Variants in XXYLT1 observed in about 807,000 individuals in gnomAD.
XXYLT1 encodes xyloside xylosyltransferase 1.
In XXYLT1, 20 loss-of-function variants were observed where a neutral mutation model predicts 28.9. The ratio of observed to expected loss-of-function variants is 0.69; its 90% CI spans 0.49 to 1.00. The LOEUF is 1.00. Ranked by LOEUF, XXYLT1 falls within the 50% of genes least tolerant of loss-of-function variation. XXYLT1 has a pLI of 0.00. For missense variants in XXYLT1, 542 were observed against 560.1 expected (o/e 0.97, Z 0.33); for synonymous variants, 257 against 253.8 (o/e 1.01, Z -0.12).
intron 2 of XXYLT1, among the ~76,000 whole-genome samples, chr3:195,161,006 G>A (rs952368543): frequency 8.5e-5 from 13 of 152,194 alleles, no homozygotes; most frequent in Non-Finnish European, 1.3e-4. Flanking sequence ...AAAGGAAGAC[G>A]GGGAGCTTGC....
At position 195,176,069 on chromosome 3, in the gene XXYLT1, T is replaced by A. The variant is rs1198185845; in HGVS notation, c.653-19488A>T. The stretch of plus-strand genomic sequence containing the variant: ...CCTAAAAGATATGACAGAATTTTTT[T>A]TTTTTGAGACAGGGTCTCACTCTAT... On this transcript the variant is annotated intron_variant, in intron 2 of 3. Transcript: ENST00000310380. This position sits in a 1 kb window ranked among gnomAD's most constrained non-coding sequence, Gnocchi z 4.9. Among the ~76,000 whole-genome samples, 1 of 152,220 alleles carries A rather than the reference T, an allele frequency of 6.6e-6. No homozygotes were observed. The highest frequency in any genetic ancestry group is 2.1e-4 in the South Asian group (1 of 4,832).
intron 3 of XXYLT1, among the ~76,000 whole-genome samples, chr3:195,142,066 G>C (rs1719521715): frequency 6.6e-6 from 1 of 152,100 alleles, no homozygotes; most frequent in Non-Finnish European, 1.5e-5. Context: ...GGTTATTTCT[G>C]ACCCCAAATA....
At chr3:195,105,685 G>A (rs565946394) in intron 3 of XXYLT1, among the ~76,000 whole-genome samples, 1 of 152,386 alleles carries the variant, frequency 6.6e-6, no homozygotes, top group Non-Finnish European at 1.5e-5. Flanking sequence ...GGGCCACCGA[G>A]CAGTGATTTG....
At chr3:195,270,059 A>G (rs1428526173) in intron 1 of XXYLT1, 1 of 219,234 alleles carries the variant, frequency 4.6e-6, no homozygotes, top group African/African-American at 2.3e-5. Context: ...GATGGTTCAC[A>G]ATGAGTTTGA....
chr3:195,187,237 CAAAA>C (rs749480905), intron 2 of XXYLT1, among the ~76,000 whole-genome samples: 2 of 108,362 alleles, frequency 1.8e-5, no homozygotes, highest in African/African-American at 3.8e-5. Flanking sequence ...GACTCCATCT[CAAAA>C]AAAAAAAAAA....
chr3:195,115,639 C>T lies in XXYLT1; in HGVS notation c.785+40810G>A, dbSNP rs556181484. Among the ~76,000 whole-genome samples the T allele has an allele frequency of 1.5e-4, 23 of 152,202 alleles. No homozygotes were observed. Among genetic ancestry groups the T allele is most frequent in the Non-Finnish European group, 2.4e-4 (16 of 68,024 alleles). ...TTGGAAAGCACAGCTATTTACAGGA[C>T]GACTCCCTTCATCTGGTGCGGAGCA... is the stretch of plus-strand genomic sequence containing the variant. On this transcript the variant is annotated intron_variant, in intron 3 of 3. Transcript: ENST00000310380. This position sits in a 1 kb window ranked among gnomAD's most constrained non-coding sequence, Gnocchi z 4.2.
intron 2 of XXYLT1, among the ~76,000 whole-genome samples, chr3:195,177,345 G>C (rs572679071): frequency 6.6e-6 from 1 of 152,242 alleles, no homozygotes; most frequent in African/African-American, 2.4e-5. Flanking sequence ...ATTTCAAGAT[G>C]ACCTCAAATG....
chr3:195,185,078 AGAAGGAAGAAGGAAGGAAGGAAG>A (rs1722118101), intron 2 of XXYLT1, among the ~76,000 whole-genome samples: 1 of 118,528 alleles, frequency 8.4e-6, no homozygotes, highest in African/African-American at 4.2e-5. Context: ...AAGGAAGGAA[AGAAGGAAGAAGGAAGGAAGGAAG>A]GAAGGAAGGA....
In XXYLT1 at chr3:195,261,686, GTTTT is replaced by G. The variant is rs983281625; in HGVS notation, c.504+8865_504+8868del. 1.6e-4 allele frequency among the ~76,000 whole-genome samples: 24 copies of G among 152,088 alleles called. No homozygotes were observed. In the East Asian group the frequency reaches 3.3e-3, roughly 21 times the overall value. On this transcript the variant is annotated intron_variant, in intron 1 of 3. Coordinates refer to ENST00000310380, the MANE Select transcript of XXYLT1 (RefSeq NM_152531.5). ...AAAGTCAAGGTAACTGTTTTTTGGG[GTTTT>G]TTTAAGAAAATGCATTTCGGTAAAT...
intron 3 of XXYLT1, chr3:195,095,788 G>C (rs1178312774): frequency 6.6e-6 from 1 of 152,344 alleles, no homozygotes; most frequent in Non-Finnish European, 1.5e-5. Flanking sequence ...CAGTGAATCA[G>C]AGTGGGTACA....
chr3:195,110,903 GGTGTGTGGTGTGT>G lies in XXYLT1; in HGVS notation c.786-40805_786-40793del, dbSNP rs1717670565. ...TGTATGTGTGCGTGTGTGTGGGTGA[GGTGTGTGGTGTGT>G]GTGTGTGGTGTGTGTGAGGTATGTG... On this transcript the variant is annotated intron_variant, in intron 3 of 3. Coordinates refer to ENST00000310380, the MANE Select transcript of XXYLT1 (RefSeq NM_152531.5). Among the ~76,000 whole-genome samples the G allele has an allele frequency of 1.3e-4, 5 of 38,294 alleles. 1 individual carries two copies. Among genetic ancestry groups the G allele is most frequent in the East Asian group, 6.4e-4 (1 of 1,570 alleles). 25.1% of individuals were successfully genotyped at this position (38,294 alleles called of 152,430 possible).
chr3:195,257,225 C>T lies in XXYLT1; in HGVS notation c.504+13330G>A, dbSNP rs1011027686. Among the ~76,000 whole-genome samples the T allele has an allele frequency of 6.6e-6, 1 of 152,206 alleles. No individual in the cohort carries two copies. On this transcript the variant is annotated intron_variant, in intron 1 of 3. Coordinates refer to ENST00000310380, the MANE Select transcript of XXYLT1 (RefSeq NM_152531.5). The surrounding 1 kb of genome is among the most constrained non-coding windows in gnomAD (Gnocchi z 4.3). ...CCGGCCTTCCATGGCTGCACTCACA[C>T]CCCACTGCCCACCGTGTTGGCATCC... is the stretch of plus-strand genomic sequence containing the variant.
At chr3:195,101,466 A>T (rs1380879034) in intron 3 of XXYLT1, among the ~76,000 whole-genome samples, 1 of 152,224 alleles carries the variant, frequency 6.6e-6, no homozygotes, top group Non-Finnish European at 1.5e-5. Flanking sequence ...CTAGAAATGC[A>T]CACAACTGCT....
intron 2 of XXYLT1, chr3:195,214,846 C>A (rs867120996): frequency 1.3e-5 from 2 of 152,150 alleles, no homozygotes; most frequent in African/African-American, 2.4e-5. Context: ...ATTAGCATGG[C>A]CCCTGCGCAA....
intron 2 of XXYLT1, 117 bp from the exon 3 acceptor site, chr3:195,156,698 T>C: frequency 7.5e-7 from 1 of 1,327,178 alleles, no homozygotes; most frequent in South Asian, 1.4e-5. Context: ...CTGTTGTCAG[T>C]GAATGATGCA....
intron 3 of XXYLT1, among the ~76,000 whole-genome samples, chr3:195,109,192 G>A (rs1227716788): frequency 2.0e-5 from 3 of 152,166 alleles, no homozygotes; most frequent in African/African-American, 7.2e-5. Context: ...TTGAACAGGA[G>A]CATCATTTTA....
intron 1 of XXYLT1, among the ~76,000 whole-genome samples, chr3:195,264,815 A>C (rs1315666174): frequency 6.6e-6 from 1 of 152,212 alleles, no homozygotes; most frequent in Non-Finnish European, 1.5e-5. Context: ...CTGCAGTCCA[A>C]CATTTTGGGA....
At chr3:195,245,050 C>T (rs976884293) in intron 1 of XXYLT1, among the ~76,000 whole-genome samples, 2 of 151,154 alleles carry the variant, frequency 1.3e-5, no homozygotes, top group Admixed American at 1.3e-4. Context: ...CCTGTAATCC[C>T]AGCTACTCAG....
chr3:195,081,231 G>C (rs540508424), intron 3 of XXYLT1, among the ~76,000 whole-genome samples: 178 of 146,252 alleles, frequency 1.2e-3, no homozygotes, highest in African/African-American at 4.4e-3. Flanking sequence ...AAAAAAAAAA[G>C]CGTTTTTATG....
Sources: allele counts gnomAD v4.1 joint callset (sites outside exome capture counted in the v4.1 genomes callset), GRCh38; gene constraint gnomAD v4.1.1; non-coding constraint Gnocchi (gnomAD v3.1); transcripts MANE v1.5; gene names NCBI Gene and HGNC (gene_info 2026-07-23, HGNC 2026-07-21).